The following PPEF1 variants were observed in gnomAD, a reference collection of about 807,000 sequenced individuals.
The protein encoded by PPEF1 is serine/threonine-protein phosphatase with EF-hands 1.
Under a neutral mutation model 53.3 loss-of-function variants are expected in PPEF1, and 12 were observed. The ratio of observed to expected loss-of-function variants is 0.23; its 90% confidence interval spans 0.14 to 0.36. The LOEUF (loss-of-function observed/expected upper bound fraction) is 0.36, where lower values mean the gene tolerates loss of function less well. Among genes scored for constraint, PPEF1 ranks in the 10% least tolerant of loss-of-function variants. The pLI is 1.00. For missense variants in PPEF1, 334 were observed against 490.4 expected (o/e 0.68, Z 3.01); for synonymous variants, 165 against 176.7 (o/e 0.93, Z 0.52).
chrX:18,794,954 T>C (rs1294812917), intron 10 of PPEF1, among the ~76,000 whole-genome samples: 1 of 112,598 alleles, frequency 8.9e-6, no homozygotes, highest in Non-Finnish European at 1.9e-5. Context: ...CTTAAATGTT[T>C]CTCCATATGC....
chrX:18,718,447 C>T, intron 1 of PPEF1, among the ~76,000 whole-genome samples: 1 of 110,596 alleles, frequency 9.0e-6, no homozygotes, highest in East Asian at 2.8e-4. Context: ...TGGCTCGCAC[C>T]TGTAGTCCCA....
At chrX:18,821,782 AGAGAGAGAGAGAGAG>A (rs2047058199) in intron 13 of PPEF1, among the ~76,000 whole-genome samples, 1 of 104,294 alleles carries the variant, frequency 9.6e-6, no homozygotes, top group Non-Finnish European at 2.0e-5. Context: ...AGAGAGAGAG[AGAGAGAGAGAGAGAG>A]AGAGAGAAAA....
At chrX:18,789,641 T>C (rs932906661) in intron 10 of PPEF1, among the ~76,000 whole-genome samples, 3 of 112,279 alleles carry the variant, frequency 2.7e-5, no homozygotes, top group Non-Finnish European at 5.6e-5. Flanking sequence ...CAATCTACTA[T>C]CTGTCTTTAC....
intron 11 of PPEF1, among the ~76,000 whole-genome samples, chrX:18,804,970 C>T (rs2046629011): frequency 9.0e-6 from 1 of 110,934 alleles, no homozygotes; most frequent in Admixed American, 9.6e-5. Flanking sequence ...TTCTGGGATG[C>T]ACCGTTTCTT....
Position 18,827,286 on chromosome X carries a change from C to T in PPEF1, c.1761C>T (p.Ser587=), listed in dbSNP as rs1187927797. ...CCTATATTCTTTTAGGCCTGATCTCCGTGGAAGAATTTCGTGCCATGTGGA... is the reference window on the plus strand; with the variant it reads ...CCTATATTCTTTTAGGCCTGATCTCTGTGGAAGAATTTCGTGCCATGTGGA... ...AIDTDHSGLI[S]VEEFRAMWKL... is the part of the protein sequence containing the mutation. The change falls in exon 16 of 16, where the codon TCC becomes TCT. Residue 587 remains serine, a synonymous_variant. Coordinates refer to ENST00000470157, the MANE Select transcript of PPEF1 (RefSeq NM_001377996.1). The T allele has an allele frequency of 3.3e-6, 4 of 1,205,814 alleles. No individual in the cohort carries two copies. The South Asian group carries it at 5.3e-5, about 16-fold the overall frequency.
rs1253140505 is a variant in PPEF1 at position 18,740,837 on chromosome X, CA to C, written c.235+7032del. 8.9e-4 allele frequency among the ~76,000 whole-genome samples: 98 copies of C among 110,201 alleles called. 5 individuals carry two copies. Among genetic ancestry groups the C allele is most frequent in the Non-Finnish European group, 7.6e-5 (4 of 52,891 alleles). Reference sequence around the variant, plus strand: ...TTTTTACAACCATGTATTTCTCCTGCAAATTAAGATCTGCCTGTTATTATCT... The same window carrying C: ...TTTTTACAACCATGTATTTCTCCTGCAATTAAGATCTGCCTGTTATTATCT... On this transcript the variant is annotated intron_variant, in intron 3 of 15. Coordinates refer to ENST00000470157, the MANE Select transcript of PPEF1 (RefSeq NM_001377996.1).
At chrX:18,683,047 CAG>C (rs1212448603) in intron 1 of PPEF1, among the ~76,000 whole-genome samples, 1 of 111,455 alleles carries the variant, frequency 9.0e-6, no homozygotes, top group Non-Finnish European at 1.9e-5. Flanking sequence ...CCAAAACCAT[CAG>C]ATCTCATGAG....
At chrX:18,762,402 GA>G (rs2045685342) in intron 6 of PPEF1, among the ~76,000 whole-genome samples, 1 of 111,772 alleles carries the variant, frequency 8.9e-6, no homozygotes, top group South Asian at 3.8e-4. Context: ...TGGGTGGAAA[GA>G]AAATATATTC....
At chrX:18,733,889 G>C in intron 3 of PPEF1, 81 bp downstream of exon 3, 1 of 777,822 alleles carries the variant, frequency 1.3e-6, no homozygotes, top group Non-Finnish European at 1.8e-6. Flanking sequence ...TCTGAAGATG[G>C]GAGAACACTA....
chrX:18,820,884 A>G (rs964691126), intron 13 of PPEF1, among the ~76,000 whole-genome samples: 9 of 111,522 alleles, frequency 8.1e-5, no homozygotes, highest in African/African-American at 2.6e-4. Flanking sequence ...TAAGATAGTA[A>G]TAAAATCACC....
chrX:18,777,890 G>A (rs940421963), intron 6 of PPEF1, among the ~76,000 whole-genome samples: 1 of 110,219 alleles, frequency 9.1e-6, no homozygotes, highest in African/African-American at 3.3e-5. Flanking sequence ...GATTATAGGC[G>A]CACACCACCA....
At chrX:18,736,218 G>A (rs1160315502) in intron 3 of PPEF1, among the ~76,000 whole-genome samples, 1 of 111,535 alleles carries the variant, frequency 9.0e-6, no homozygotes, top group African/African-American at 3.3e-5. Context: ...GTTTTCAAAG[G>A]GAATGCTTCC....
intron 6 of PPEF1, among the ~76,000 whole-genome samples, chrX:18,766,722 T>G (rs2045781971): frequency 8.9e-6 from 1 of 111,773 alleles, no homozygotes. Context: ...GAGGTGAAGA[T>G]GGAAAAGTCA....
chrX:18,683,345 G>T (rs1259122813), intron 1 of PPEF1, among the ~76,000 whole-genome samples: 1 of 111,150 alleles, frequency 9.0e-6, no homozygotes, highest in Non-Finnish European at 1.9e-5. Context: ...AGTGCTAGTT[G>T]CTTATCTACT....
At chrX:18,699,793 C>T (rs2238950) in intron 5 of PPEF1, among the ~76,000 whole-genome samples, 41,283 of 110,941 alleles carry the variant, frequency 0.37, 6,205 homozygotes, top group Non-Finnish European at 0.49. Flanking sequence ...CTCAAACCCA[C>T]ACCTTTCTAG....
intron 11 of PPEF1, 136 bp from the exon 12 acceptor site, chrX:18,806,267 C>A: frequency 1.5e-6 from 1 of 678,844 alleles, no homozygotes; most frequent in Non-Finnish European, 2.2e-6. Flanking sequence ...GAAATCACAT[C>A]AGACTGTGAT....
chrX:18,735,858 G>T (rs1264149062), intron 3 of PPEF1, among the ~76,000 whole-genome samples: 1 of 111,646 alleles, frequency 9.0e-6, no homozygotes, highest in Non-Finnish European at 1.9e-5. Flanking sequence ...CTTGTAAGTT[G>T]AATTCCTACG....
intron 4 of PPEF1, among the ~76,000 whole-genome samples, chrX:18,694,733 C>T (rs1929615392): frequency 9.0e-6 from 1 of 111,616 alleles, no homozygotes; most frequent in South Asian, 3.8e-4. Context: ...GAGACCCTGT[C>T]TCAACCCCCC....
At chrX:18,810,076 CTGTGTGTGTGTGTGTG>C (rs199559695) in intron 12 of PPEF1, among the ~76,000 whole-genome samples, 5 of 99,461 alleles carry the variant, frequency 5.0e-5, no homozygotes, top group African/African-American at 1.5e-4. Context: ...AAAAAATCCT[CTGTGTGTGTGTGTGTG>C]TGTGTGTGTG....
Sources: gnomAD v4.1 joint callset for allele counts (sites outside exome capture counted in the v4.1 genomes callset) on GRCh38, gnomAD v4.1.1 for gene constraint, MANE v1.5 for transcripts, NCBI Gene and HGNC (gene_info 2026-07-23, HGNC 2026-07-21) for gene names.